Variants in CACNA2D3 observed in about 807,000 individuals in gnomAD.
CACNA2D3 encodes the protein voltage-dependent calcium channel subunit alpha-2/delta-3.
CACNA2D3 carries 60 observed loss-of-function variants against 160.6 expected under a neutral mutation model. The observed-to-expected ratio is 0.37, with a 90% CI of 0.30 to 0.46. CACNA2D3 has a LOEUF of 0.46. CACNA2D3 is among the 20% of genes least tolerant of loss of function. The pLI is 1.00. For synonymous variants in CACNA2D3, 558 were observed against 492.9 expected, an observed-to-expected ratio of 1.13 and a Z score of -1.75; for missense variants, 1,205 against 1,365.0, an observed-to-expected ratio of 0.88 and a Z score of 1.85.
intron 5 of CACNA2D3, among the ~76,000 whole-genome samples, chr3:54,511,690 A>T (rs1480491961): frequency 6.6e-6 from 1 of 152,214 alleles, no homozygotes; most frequent in Non-Finnish European, 1.5e-5. Flanking sequence ...GAAAGGTGGT[A>T]CCAGGAGCAG....
rs544327851 is a variant in CACNA2D3, at chr3:54,803,556, GA to G, written c.1381-13290del. Among the ~76,000 whole-genome samples, 73 of 152,224 alleles carry G rather than the reference GA, an allele frequency of 4.8e-4. 1 individual carries two copies. The highest frequency in any genetic ancestry group is 9.3e-4 in the Non-Finnish European group (63 of 68,014). On this transcript the variant is annotated intron_variant, in intron 13 of 37. Transcript: ENST00000474759. The stretch of plus-strand genomic sequence containing the variant: ...GCCTCCAAGAAATATGGGACTATGT[GA>G]AAAAAACAAATCTACATCTGATTGG...
chr3:54,681,842 C>G (rs1428660212), intron 11 of CACNA2D3, among the ~76,000 whole-genome samples: 3 of 151,984 alleles, frequency 2.0e-5, no homozygotes, highest in Non-Finnish European at 4.4e-5. Flanking sequence ...ACCACCACAC[C>G]CAGCTAACTT....
chr3:54,741,548 GC>G (rs374844184), intron 11 of CACNA2D3, among the ~76,000 whole-genome samples: 4 of 151,380 alleles, frequency 2.6e-5, no homozygotes, highest in African/African-American at 9.7e-5. Context: ...TTCAAGACCA[GC>G]CTGGCCAACA....
At chr3:54,837,038 G>A in intron 14 of CACNA2D3, 121 bp from the exon 15 acceptor site, 2 of 802,580 alleles carry the variant, frequency 2.5e-6, no homozygotes, top group Non-Finnish European at 4.3e-6. Context: ...AAAGGCTTGA[G>A]TGGGCACTGT....
intron 9 of CACNA2D3, among the ~76,000 whole-genome samples, chr3:54,586,828 G>T (rs1702770753): frequency 6.6e-6 from 1 of 152,008 alleles, no homozygotes; most frequent in African/African-American, 2.4e-5. Flanking sequence ...AATTTTTGAT[G>T]AAAATGGAAT....
Position 54,301,846 on chromosome 3 carries a change from A to G in CACNA2D3, c.205-18596A>G, listed in dbSNP as rs1008528830. 3.9e-5 allele frequency among the ~76,000 whole-genome samples: 6 copies of G among 152,234 alleles called. No individual in the cohort carries two copies. The South Asian group carries it at 1.0e-3, about 26-fold the overall frequency. On this transcript the variant is annotated intron_variant, in intron 2 of 37. Transcript: ENST00000474759. ...GATTTTAGATTTACCGATGTTTGGA[A>G]AAGTGACACCTATGACTCAGGCAGA...
At chr3:54,595,581 C>G (rs544064225) in intron 9 of CACNA2D3, among the ~76,000 whole-genome samples, 1 of 152,232 alleles carries the variant, frequency 6.6e-6, no homozygotes, top group Admixed American at 6.5e-5. Context: ...CTTTCTTTGC[C>G]TGTGACAACT....
intron 35 of CACNA2D3, among the ~76,000 whole-genome samples, chr3:55,063,805 A>G (rs905513088): frequency 2.1e-4 from 32 of 152,234 alleles, no homozygotes; most frequent in African/African-American, 7.2e-4. Context: ...GACCACCTCA[A>G]GAATGGGCCG....
chr3:54,824,994 G>C (rs774185989), intron 14 of CACNA2D3, among the ~76,000 whole-genome samples: 1 of 152,112 alleles, frequency 6.6e-6, no homozygotes, highest in Non-Finnish European at 1.5e-5. Context: ...TTAATTCTTA[G>C]TGTCTTAGAA....
chr3:54,906,308 T>A (rs1700447191), intron 27 of CACNA2D3, among the ~76,000 whole-genome samples: 1 of 151,712 alleles, frequency 6.6e-6, no homozygotes, highest in Non-Finnish European at 1.5e-5. Context: ...TGGAGTAGGA[T>A]TAAGAGATGA....
At chr3:54,610,866 T>C (rs1221036656) in intron 9 of CACNA2D3, among the ~76,000 whole-genome samples, 1 of 152,190 alleles carries the variant, frequency 6.6e-6, no homozygotes, top group Non-Finnish European at 1.5e-5. Flanking sequence ...TGACCTCAGG[T>C]GATCCACCCG....
intron 9 of CACNA2D3, among the ~76,000 whole-genome samples, chr3:54,601,674 A>C (rs1288507239): frequency 2.6e-5 from 4 of 151,890 alleles, no homozygotes; most frequent in Non-Finnish European, 5.9e-5. Flanking sequence ...CACAACCCCA[A>C]ATCTTATACC....
At chr3:54,849,328 C>T (rs908775468) in intron 17 of CACNA2D3, among the ~76,000 whole-genome samples, 9 of 152,156 alleles carry the variant, frequency 5.9e-5, no homozygotes, top group Admixed American at 2.0e-4. Context: ...GTGGCTCTGG[C>T]GTGCACAAGT....
rs1010885444 is a variant in CACNA2D3 at position 54,485,567 on chromosome 3, A to G, written c.382-17925A>G. 5.5e-5 allele frequency among the ~76,000 whole-genome samples: 8 copies of G among 146,486 alleles called. No individual in the cohort carries two copies. The East Asian group carries it at 5.9e-4, about 11-fold the overall frequency. ...CCCTCCATAGCATAGTATAATAGAC[A>G]CTTTTTTTTTTTTTTTGAGACAGAG... On this transcript the variant is annotated intron_variant, in intron 4 of 37. Coordinates refer to ENST00000474759, the MANE Select transcript of CACNA2D3 (RefSeq NM_018398.3).
chr3:54,787,855 C>G (rs919561873), intron 13 of CACNA2D3, among the ~76,000 whole-genome samples: 3 of 152,164 alleles, frequency 2.0e-5, no homozygotes, highest in Non-Finnish European at 4.4e-5. Context: ...AAATTTGTGT[C>G]CAAATTTTAG....
intron 17 of CACNA2D3, among the ~76,000 whole-genome samples, chr3:54,871,245 A>G (rs2106820600): frequency 6.6e-6 from 1 of 150,968 alleles, no homozygotes; most frequent in East Asian, 1.9e-4. Flanking sequence ...AGGAGGGGAC[A>G]GATTTTCCTT....
chr3:54,261,606 C>T (rs1702401209), intron 2 of CACNA2D3, among the ~76,000 whole-genome samples: 1 of 152,180 alleles, frequency 6.6e-6, no homozygotes, highest in South Asian at 2.1e-4. Flanking sequence ...TATGCTTCCC[C>T]ATGGGTGGAA....
intron 27 of CACNA2D3, among the ~76,000 whole-genome samples, chr3:54,940,599 G>T (rs777542251): frequency 6.6e-6 from 1 of 152,030 alleles, no homozygotes; most frequent in Non-Finnish European, 1.5e-5. Context: ...CTTGCTACAG[G>T]CTACTCCCAA....
intron 13 of CACNA2D3, among the ~76,000 whole-genome samples, chr3:54,764,639 T>C (rs911403004): frequency 6.6e-6 from 1 of 152,226 alleles, no homozygotes; most frequent in Non-Finnish European, 1.5e-5. Context: ...TGTGTTCAAA[T>C]TCTGTCAGTG....
Sources: gnomAD v4.1 joint callset for allele counts (sites outside exome capture counted in the v4.1 genomes callset) on GRCh38, gnomAD v4.1.1 for gene constraint, MANE v1.5 for transcripts, NCBI Gene and HGNC (gene_info 2026-07-23, HGNC 2026-07-21) for gene names.